Variants in HDAC8 observed in about 807,000 individuals in gnomAD.
HDAC8 encodes histone deacetylase 8, also known as histone deacetylase-like 1.
A neutral mutation model predicts 32.2 loss-of-function variants in HDAC8; 1 was observed. That is an observed-to-expected ratio of 0.03 (90% CI 0.01 to 0.15). HDAC8 has a LOEUF of 0.15. HDAC8 is among the 10% of genes least tolerant of loss of function. The probability of loss-of-function intolerance (pLI) is 1.00; values close to 1 mark genes in which losing one functional copy is unlikely to be tolerated. For missense variants in HDAC8, 117 were observed against 300.0 expected, an observed-to-expected ratio of 0.39 and a Z score of 4.51; for synonymous variants, 108 against 113.9, an observed-to-expected ratio of 0.95 and a Z score of 0.33.
rs782815646 is a variant in HDAC8 at position 72,519,791 on chromosome X, C to A, written c.438-24523G>T. Among the ~76,000 whole-genome samples the A allele has an allele frequency of 7.2e-5, 8 of 111,118 alleles. No individual in the cohort carries two copies. The East Asian group carries it at 2.3e-3, about 31-fold the overall frequency. On this transcript the variant is annotated intron_variant, in intron 4 of 10. Coordinates refer to ENST00000373573, the MANE Select transcript of HDAC8 (RefSeq NM_018486.3). ...TTTTTGTAGAGATGGGGTTTCACCA[C>A]GTTGCCCAAGCTGGTCTTGAACTCC...
At chrX:72,363,969 A>G (rs192559760) in intron 9 of HDAC8, among the ~76,000 whole-genome samples, 140 of 111,824 alleles carry the variant, frequency 1.3e-3, no homozygotes, top group Non-Finnish European at 1.8e-3. Flanking sequence ...TGTGTTGAGA[A>G]AGATTCTGAA....
intron 4 of HDAC8, among the ~76,000 whole-genome samples, chrX:72,551,484 G>A (rs2147500482): frequency 8.9e-6 from 1 of 111,754 alleles, no homozygotes; most frequent in South Asian, 3.8e-4. Context: ...ATAGCTTTTA[G>A]TTATTCAAGC....
intron 9 of HDAC8, among the ~76,000 whole-genome samples, chrX:72,453,504 G>GAAAGAAAGAAAGAAAGAAAGA (rs1231857027): frequency 3.5e-4 from 38 of 108,206 alleles, no homozygotes; most frequent in African/African-American, 1.3e-3. Context: ...AAGAAAGAAA[G>GAAAGAAAGAAAGAAAGAAAGA]AAAGAAAGAA....
At chrX:72,519,472 A>G (rs1376798643) in intron 4 of HDAC8, among the ~76,000 whole-genome samples, 1 of 112,444 alleles carries the variant, frequency 8.9e-6, no homozygotes, top group African/African-American at 3.2e-5. Context: ...CTTATTGTCT[A>G]TCTTTTTGAT....
intron 4 of HDAC8, among the ~76,000 whole-genome samples, chrX:72,498,264 A>C (rs1556014326): frequency 9.1e-6 from 1 of 110,492 alleles, no homozygotes; most frequent in Admixed American, 9.7e-5. Context: ...GAGGAGTTGC[A>C]TGGGAAGAGT....
chrX:72,466,710 G>A (rs1246040897), intron 7 of HDAC8: 1 of 112,092 alleles, frequency 8.9e-6, no homozygotes, highest in Non-Finnish European at 1.9e-5. Context: ...TTGTACTCTT[G>A]GGCAATGTAT....
At position 72,553,810 on chromosome X, in the gene HDAC8, G is replaced by A. The variant is rs782094228; in HGVS notation, c.437+14079C>T. 4.5e-5 allele frequency among the ~76,000 whole-genome samples: 5 copies of A among 111,985 alleles called. No individual in the cohort carries two copies. The East Asian group carries it at 1.4e-3, about 31-fold the overall frequency. On this transcript the variant is annotated intron_variant, in intron 4 of 10. Transcript: ENST00000373573. ...TTGCAGATGCAGAACCTGCTGATACGGAGGGCTGACTGTATTTATAGAAAA... is the reference window on the plus strand; with the variant it reads ...TTGCAGATGCAGAACCTGCTGATACAGAGGGCTGACTGTATTTATAGAAAA...
At chrX:72,560,400 A>G (rs1286897717) in intron 4 of HDAC8, among the ~76,000 whole-genome samples, 1 of 108,062 alleles carries the variant, frequency 9.3e-6, no homozygotes, top group Non-Finnish European at 1.9e-5. Flanking sequence ...CCCTAATCTC[A>G]AGTACCCAGG....
chrX:72,500,571 T>C (rs1428555474), intron 4 of HDAC8, among the ~76,000 whole-genome samples: 1 of 111,801 alleles, frequency 8.9e-6, no homozygotes, highest in Non-Finnish European at 1.9e-5. Context: ...TTCAATAAAA[T>C]TCAACACCCC....
At chrX:72,532,248 C>CTTTTTTT (rs1556036336) in intron 4 of HDAC8, among the ~76,000 whole-genome samples, 1 of 54,442 alleles carries the variant, frequency 1.8e-5, no homozygotes, top group Admixed American at 2.3e-4. Flanking sequence ...CCGTGTTGGG[C>CTTTTTTT]ATTTTTTTTT....
chrX:72,330,144 A>G, intron 10 of HDAC8, 68 bp from the exon 11 acceptor site: 1 of 945,116 alleles, frequency 1.1e-6, no homozygotes, highest in Non-Finnish European at 1.5e-6. Flanking sequence ...CAATAGAGCT[A>G]TTTTTTAAAA....
intron 4 of HDAC8, among the ~76,000 whole-genome samples, chrX:72,506,264 A>G (rs1328645131): frequency 3.6e-5 from 4 of 112,519 alleles, no homozygotes; most frequent in Non-Finnish European, 7.5e-5. Flanking sequence ...TAGTGTTGCT[A>G]TAACAGAATA....
intron 4 of HDAC8, among the ~76,000 whole-genome samples, chrX:72,539,124 T>C (rs1407503851): frequency 8.9e-6 from 1 of 112,474 alleles, no homozygotes; most frequent in Non-Finnish European, 1.9e-5. Flanking sequence ...TCAATATTGG[T>C]TAATTGTAAC....
chrX:72,359,020 G>A (rs4825948), intron 9 of HDAC8, among the ~76,000 whole-genome samples: 15,779 of 109,410 alleles, frequency 0.14, 1,223 homozygotes, highest in East Asian at 0.56. Flanking sequence ...CACCAGCCCC[G>A]TGGCCCCAGG....
At chrX:72,500,055 T>C (rs2049157113) in intron 4 of HDAC8, among the ~76,000 whole-genome samples, 1 of 110,977 alleles carries the variant, frequency 9.0e-6, no homozygotes, top group Non-Finnish European at 1.9e-5. Context: ...CCTGGACATA[T>C]ACACCCTCCT....
At chrX:72,440,011 C>G (rs1194193238) in intron 9 of HDAC8, among the ~76,000 whole-genome samples, 1 of 112,174 alleles carries the variant, frequency 8.9e-6, no homozygotes, top group East Asian at 2.8e-4. Flanking sequence ...CACAAATCAA[C>G]AGAATACACA....
chrX:72,410,675 C>T (rs3012640), intron 9 of HDAC8, among the ~76,000 whole-genome samples: 9,556 of 111,600 alleles, frequency 0.086, 960 homozygotes, highest in African/African-American at 0.29. Flanking sequence ...ACTCTCACCA[C>T]CTTCCTTGCC....
intron 10 of HDAC8, among the ~76,000 whole-genome samples, chrX:72,331,180 C>T (rs1316064901): frequency 9.1e-6 from 1 of 109,934 alleles, no homozygotes; most frequent in Non-Finnish European, 1.9e-5. Context: ...CTCTTGATCT[C>T]GTGATCCACC....
chrX:72,466,356 T>C (rs1050864235), intron 7 of HDAC8, among the ~76,000 whole-genome samples: 6 of 111,594 alleles, frequency 5.4e-5, no homozygotes, highest in African/African-American at 2.0e-4. Flanking sequence ...AGCCCGGAAA[T>C]AGAGGGAAAG....
Sources: allele counts gnomAD v4.1 joint callset (sites outside exome capture counted in the v4.1 genomes callset), GRCh38; gene constraint gnomAD v4.1.1; transcripts MANE v1.5; gene names NCBI Gene and HGNC (gene_info 2026-07-23, HGNC 2026-07-21).